The following JMJD1C variants were observed in gnomAD, a reference collection of about 807,000 sequenced individuals.
The protein encoded by JMJD1C is jumonji domain-containing protein 1C.
JMJD1C carries 31 observed loss-of-function variants against 245.3 expected under a neutral mutation model. The ratio of observed to expected loss-of-function variants is 0.13; its 90% CI spans 0.09 to 0.17. The LOEUF is 0.17. Among genes scored for constraint, JMJD1C ranks in the 10% least tolerant of loss-of-function variants. The pLI, the probability that JMJD1C is intolerant of heterozygous loss-of-function variation, is 1.00. For synonymous variants in JMJD1C, 1,057 were observed against 1,017.4 expected (o/e 1.04, Z -0.74); for missense variants, 2,691 against 3,000.2 (o/e 0.90, Z 2.41).
intron 1 of JMJD1C, among the ~76,000 whole-genome samples, chr10:63,397,766 T>C (rs948518625): frequency 6.6e-6 from 1 of 152,160 alleles, no homozygotes; most frequent in African/African-American, 2.4e-5. Flanking sequence ...ACTCTGAGGC[T>C]CAAGCAATCC....
chr10:63,428,057 C>T (rs1279451323), intron 1 of JMJD1C: 2 of 581,770 alleles, frequency 3.4e-6, no homozygotes, highest in East Asian at 2.9e-5. Context: ...TAAAAATACA[C>T]ACAACACACA....
chr10:63,482,209 G>A (rs949506057), intron 1 of JMJD1C, among the ~76,000 whole-genome samples: 6 of 152,118 alleles, frequency 3.9e-5, no homozygotes, highest in African/African-American at 1.2e-4. Context: ...TTAAGTAGAC[G>A]TTTCCAAGAA....
intron 1 of JMJD1C, among the ~76,000 whole-genome samples, chr10:63,500,248 C>A (rs1325606416): frequency 1.3e-5 from 2 of 151,882 alleles, no homozygotes; most frequent in African/African-American, 4.8e-5. Context: ...ATGGTGATAC[C>A]CCATCTCTAC....
chr10:63,481,820 G>C (rs1953839540), intron 1 of JMJD1C, among the ~76,000 whole-genome samples: 1 of 152,174 alleles, frequency 6.6e-6, no homozygotes, highest in African/African-American at 2.4e-5. Context: ...AACAGGAGCT[G>C]GAGGAAGTGG....
intron 24 of JMJD1C, among the ~76,000 whole-genome samples, chr10:63,174,835 AAAAAAAC>A (rs1195752299): frequency 6.8e-4 from 102 of 150,826 alleles, no homozygotes; most frequent in African/African-American, 2.1e-3. Context: ...ACTCTGTCTC[AAAAAAAC>A]AAAAAACAAA....
intron 2 of JMJD1C, among the ~76,000 whole-genome samples, chr10:63,318,804 C>T (rs914312705): frequency 1.3e-5 from 2 of 152,050 alleles, no homozygotes; most frequent in Middle Eastern, 3.4e-3. Flanking sequence ...ATTTCATCAT[C>T]TTCACTTCAT....
rs148276356 is a variant in JMJD1C, at chr10:63,515,067, C to T, written n.113+6671G>A. On this transcript the variant is annotated intron_variant and non_coding_transcript_variant, in intron 1 of 3. Transcript: ENST00000633035. ...GTCTCAGTCCTCTGGTGAGCCCGTG[C>T]CTCTAGACTGTGACCTTCCACCAGC... Among the ~76,000 whole-genome samples, 601 of 152,208 alleles carry T rather than the reference C, an allele frequency of 3.9e-3. 1 individual carries two copies. Among genetic ancestry groups the T allele is most frequent in the African/African-American group, 0.011 (454 of 41,522 alleles).
At chr10:63,279,637 C>CA (rs1262635076) in intron 2 of JMJD1C, among the ~76,000 whole-genome samples, 1 of 152,128 alleles carries the variant, frequency 6.6e-6, no homozygotes, top group Non-Finnish European at 1.5e-5. Flanking sequence ...GGCATGGTGG[C>CA]ATGTGGCTGT....
At chr10:63,246,367 A>G (rs1465983227) in intron 3 of JMJD1C, among the ~76,000 whole-genome samples, 1 of 152,182 alleles carries the variant, frequency 6.6e-6, no homozygotes, top group African/African-American at 2.4e-5. Flanking sequence ...CTCCCAACAG[A>G]CTTCTCAATG....
intron 17 of JMJD1C, among the ~76,000 whole-genome samples, chr10:63,190,652 AG>A (rs1245680207): frequency 1.3e-5 from 2 of 152,306 alleles, no homozygotes; most frequent in East Asian, 3.9e-4. Context: ...CAAATTCTAA[AG>A]GGGTATCTTA....
At chr10:63,520,980 T>G (rs1955200482) in intron 1 of JMJD1C, among the ~76,000 whole-genome samples, 1 of 152,210 alleles carries the variant, frequency 6.6e-6, no homozygotes, top group Non-Finnish European at 1.5e-5. Context: ...CCTCAAAGTC[T>G]TGGCTCTCCA....
chr10:63,345,978 T>A (rs1252820195), intron 2 of JMJD1C, among the ~76,000 whole-genome samples: 1 of 152,136 alleles, frequency 6.6e-6, no homozygotes, highest in Non-Finnish European at 1.5e-5. Context: ...TTAAAAAAAA[T>A]TAAAGATGAT....
chr10:63,392,237 T>TATGG (rs201343196), intron 1 of JMJD1C, among the ~76,000 whole-genome samples: 2,025 of 152,214 alleles, frequency 0.013, 32 homozygotes, highest in African/African-American at 0.034. Context: ...ATTAAAAACT[T>TATGG]AAAACATAAG....
chr10:63,450,707 A>G (rs577389845), intron 1 of JMJD1C, among the ~76,000 whole-genome samples: 1 of 152,350 alleles, frequency 6.6e-6, no homozygotes, highest in East Asian at 1.9e-4. Context: ...TTCCACAGCT[A>G]ACATCATACT....
At chr10:63,402,129 G>A (rs1209671480) in intron 1 of JMJD1C, among the ~76,000 whole-genome samples, 2 of 124,812 alleles carry the variant, frequency 1.6e-5, no homozygotes, top group African/African-American at 5.5e-5. Flanking sequence ...AGCAAACTCC[G>A]TCTCAAAAAA....
chr10:63,319,646 A>AT (rs981160180), intron 2 of JMJD1C, among the ~76,000 whole-genome samples: 74 of 151,924 alleles, frequency 4.9e-4, no homozygotes, highest in African/African-American at 1.7e-3. Flanking sequence ...ATAGCTGTCA[A>AT]TTTTTCTTTT....
rs1435341766 is a variant in JMJD1C at position 63,305,310 on chromosome 10, G to A, written c.334-40546C>T. On this transcript the variant is annotated intron_variant, in intron 2 of 25. Coordinates refer to ENST00000399262, the MANE Select transcript of JMJD1C (RefSeq NM_032776.3). ...TTGAACCCGGAAGGCAGAGGCTGCA[G>A]TGAGCCAAGATCATACCACTGCACT... 2.0e-5 allele frequency among the ~76,000 whole-genome samples: 3 copies of A among 149,384 alleles called. No individual in the cohort carries two copies. The Admixed American group carries it at 2.1e-4, about 10-fold the overall frequency.
intron 1 of JMJD1C, among the ~76,000 whole-genome samples, chr10:63,441,903 G>A (rs904154633): frequency 6.6e-6 from 1 of 152,060 alleles, no homozygotes; most frequent in African/African-American, 2.4e-5. Flanking sequence ...TGTTAACAGC[G>A]TTAGGTGTTT....
chr10:63,371,098 C>T (rs1342142203), intron 2 of JMJD1C, among the ~76,000 whole-genome samples: 1 of 152,008 alleles, frequency 6.6e-6, no homozygotes, highest in Non-Finnish European at 1.5e-5. Context: ...CCACCTCAAC[C>T]TCCTGAGTAG....
Sources: gnomAD v4.1 joint callset for allele counts (sites outside exome capture counted in the v4.1 genomes callset) on GRCh38, gnomAD v4.1.1 for gene constraint, MANE v1.5 for transcripts, NCBI Gene and HGNC (gene_info 2026-07-23, HGNC 2026-07-21) for gene names.